Variants in NELL1 observed in about 807,000 individuals in gnomAD.
NELL1 encodes the protein protein kinase C-binding protein NELL1.
In NELL1, 76 loss-of-function variants were observed where a neutral mutation model predicts 107.4. That is an observed-to-expected ratio of 0.71 (90% confidence interval 0.59 to 0.86). The LOEUF is 0.86. Ranked by LOEUF, NELL1 falls within the 40% of genes least tolerant of loss-of-function variation. The probability of loss-of-function intolerance (pLI) is 0.00; values close to 1 mark genes in which losing one functional copy is unlikely to be tolerated. For synonymous variants in NELL1, 353 were observed against 341.2 expected, an observed-to-expected ratio of 1.03 and a Z score of -0.38; for missense variants, 1,024 against 1,005.5, an observed-to-expected ratio of 1.02 and a Z score of -0.25.
At chr11:21,322,530 C>T (rs1434037834) in intron 14 of NELL1, among the ~76,000 whole-genome samples, 4 of 152,142 alleles carry the variant, frequency 2.6e-5, no homozygotes, top group Non-Finnish European at 5.9e-5. Context: ...AGCACACACA[C>T]ATACACACAC....
At chr11:21,250,229 A>G (rs1565130607) in intron 14 of NELL1, among the ~76,000 whole-genome samples, 2 of 152,170 alleles carry the variant, frequency 1.3e-5, no homozygotes, top group Non-Finnish European at 2.9e-5. Flanking sequence ...TCAGACAGGG[A>G]TCTGTGTAGA....
intron 2 of NELL1, among the ~76,000 whole-genome samples, chr11:20,755,550 G>GTTTTTTTTTTTTTTTTTTTTTTTTTT (rs1226891368): frequency 8.7e-6 from 1 of 114,544 alleles, no homozygotes; most frequent in Admixed American, 8.7e-5. Context: ...GTTTTTTTTT[G>GTTTTTTTTTTTTTTTTTTTTTTTTTT]TTTTTGTTTT....
chr11:21,511,896 T>G (rs1480528810), intron 15 of NELL1, among the ~76,000 whole-genome samples: 1 of 152,150 alleles, frequency 6.6e-6, no homozygotes, highest in East Asian at 1.9e-4. Context: ...AACCCACATA[T>G]GGACAATACG....
At chr11:21,059,598 C>T (rs1489611491) in intron 12 of NELL1, among the ~76,000 whole-genome samples, 1 of 152,062 alleles carries the variant, frequency 6.6e-6, no homozygotes, top group Admixed American at 6.5e-5. Flanking sequence ...AAATTAAGAG[C>T]TTTTTACTTT....
chr11:21,240,753 A>G (rs1858332952), intron 14 of NELL1, among the ~76,000 whole-genome samples: 1 of 106,628 alleles, frequency 9.4e-6, no homozygotes, highest in Non-Finnish European at 1.8e-5. Context: ...CTTTCCTTCA[A>G]GTGCCTTTCT....
At chr11:21,072,873 T>A (rs1242141263) in intron 12 of NELL1, among the ~76,000 whole-genome samples, 1 of 152,206 alleles carries the variant, frequency 6.6e-6, no homozygotes, top group East Asian at 1.9e-4. Context: ...ATGTGTACAT[T>A]TTAGTCAGCA....
At chr11:20,707,199 T>G (rs897799034) in intron 2 of NELL1, among the ~76,000 whole-genome samples, 1 of 152,354 alleles carries the variant, frequency 6.6e-6, no homozygotes, top group Non-Finnish European at 1.5e-5. Flanking sequence ...CCTGCCATGG[T>G]GTTCAGCTCT....
chr11:20,889,749 C>T (rs1004880549), intron 5 of NELL1, among the ~76,000 whole-genome samples: 5 of 152,136 alleles, frequency 3.3e-5, no homozygotes, highest in East Asian at 1.9e-4. Flanking sequence ...TGCGGTGCGA[C>T]GGCCCATCTG....
In NELL1 at chr11:21,036,686, C is replaced by G. The variant is rs573188922; in HGVS notation, c.1300+76126C>G. On this transcript the variant is annotated intron_variant, in intron 12 of 19. Transcript: ENST00000357134. ...CTCTCTGCCAGTTAATGAATTCTTC[C>G]TTTAGTCACTGAATTCATAATTTCA... Among the ~76,000 whole-genome samples, 4 of 152,008 alleles carry G rather than the reference C, an allele frequency of 2.6e-5. No homozygotes were observed. The East Asian group carries it at 7.7e-4, about 29-fold the overall frequency.
intron 12 of NELL1, among the ~76,000 whole-genome samples, chr11:21,041,318 T>C (rs139128655): frequency 6.6e-6 from 1 of 152,298 alleles, no homozygotes; most frequent in East Asian, 1.9e-4. Flanking sequence ...AGTTAATTGT[T>C]AATAAAAATA....
intron 17 of NELL1, among the ~76,000 whole-genome samples, chr11:21,568,296 T>G (rs2134010530): frequency 6.6e-6 from 1 of 151,976 alleles, no homozygotes; most frequent in East Asian, 2.0e-4. Flanking sequence ...TATACCTGTA[T>G]AGAACACTTA....
chr11:20,915,757 G>C (rs1187807431), intron 5 of NELL1, among the ~76,000 whole-genome samples: 1 of 81,090 alleles, frequency 1.2e-5, no homozygotes, highest in African/African-American at 5.6e-5. Flanking sequence ...GGCTGATTGA[G>C]CTCCTTTGTA....
chr11:20,918,450 C>T (rs950013286), intron 6 of NELL1, among the ~76,000 whole-genome samples, 196 bp downstream of exon 6: 7 of 151,928 alleles, frequency 4.6e-5, no homozygotes, highest in South Asian at 2.1e-4. Context: ...TGTATTAATC[C>T]GTTTTCTCAC....
intron 15 of NELL1, among the ~76,000 whole-genome samples, chr11:21,499,526 C>T (rs1011228134): frequency 6.6e-6 from 1 of 152,022 alleles, no homozygotes; most frequent in East Asian, 1.9e-4. Flanking sequence ...TTCTTCTTGG[C>T]CTTTTCACAG....
At chr11:20,782,071 A>C (rs369265031) in intron 2 of NELL1, among the ~76,000 whole-genome samples, 31 of 151,858 alleles carry the variant, frequency 2.0e-4, no homozygotes, top group Admixed American at 1.8e-3. Context: ...GATAATAAAA[A>C]TAATATTAAC....
intron 2 of NELL1, among the ~76,000 whole-genome samples, chr11:20,699,046 G>C (rs1172546049): frequency 6.6e-6 from 1 of 151,894 alleles, no homozygotes; most frequent in Non-Finnish European, 1.5e-5. Flanking sequence ...GTGAAACCCT[G>C]TCTCTACTAA....
chr11:20,892,223 G>A (rs1053599033), intron 5 of NELL1, among the ~76,000 whole-genome samples: 25 of 152,220 alleles, frequency 1.6e-4, no homozygotes, highest in African/African-American at 5.3e-4. Context: ...GCTCAAAACC[G>A]CACAATTTCA....
intron 7 of NELL1, among the ~76,000 whole-genome samples, chr11:20,923,248 C>T (rs149526415): frequency 6.6e-6 from 1 of 152,154 alleles, no homozygotes; most frequent in East Asian, 1.9e-4. Context: ...GCCCAGGGGT[C>T]TGTGTAGGAG....
intron 14 of NELL1, among the ~76,000 whole-genome samples, chr11:21,236,246 A>G (rs1858203795): frequency 1.3e-5 from 2 of 152,254 alleles, no homozygotes; most frequent in South Asian, 4.1e-4. Context: ...GTAGTATTCA[A>G]TGTATTATGT....
Sources: allele counts gnomAD v4.1 joint callset (sites outside exome capture counted in the v4.1 genomes callset), GRCh38; gene constraint gnomAD v4.1.1; transcripts MANE v1.5; gene names NCBI Gene and HGNC (gene_info 2026-07-23, HGNC 2026-07-21).